Variants in SMG1 observed in about 807,000 individuals in gnomAD.
The protein encoded by SMG1 is SMG1 nonsense mediated mRNA decay associated PI3K related kinase, also known as serine/threonine-protein kinase SMG1.
SMG1 carries 22 observed loss-of-function variants against 419.9 expected under a neutral mutation model. That is an observed-to-expected ratio of 0.05 (90% CI 0.04 to 0.07). The LOEUF (loss-of-function observed/expected upper bound fraction) is 0.07, where lower values mean the gene tolerates loss of function less well. SMG1 is among the 10% of genes least tolerant of loss of function. The pLI, the probability that SMG1 is intolerant of heterozygous loss-of-function variation, is 1.00. For missense variants in SMG1, 3,185 were observed against 4,342.0 expected (o/e 0.73, Z 7.49); for synonymous variants, 1,538 against 1,553.5 (o/e 0.99, Z 0.23).
chr16:18,918,578 TCA>T (rs1230343357), intron 1 of SMG1, among the ~76,000 whole-genome samples: 1 of 152,136 alleles, frequency 6.6e-6, no homozygotes, highest in Non-Finnish European at 1.5e-5. Flanking sequence ...TGAGACAGTC[TCA>T]CTCTGTCACC....
In SMG1 at chr16:18,811,866, C is replaced by A; in HGVS notation, c.10803G>T (p.Ala3601=). The A allele has an allele frequency of 6.2e-7, 1 of 1,613,676 alleles. No individual in the cohort carries two copies. The highest frequency in any genetic ancestry group is 2.2e-5 in the East Asian group (1 of 44,882). ...CTGCATAGGAGTTTCTCTCTTGCACCGCTATGAAGCAACAAAAACATACGT... is the reference window on the plus strand; with the variant it reads ...CTGCATAGGAGTTTCTCTCTTGCACAGCTATGAAGCAACAAAAACATACGT... ...KAVRDPKTGK[A]VQERNSYAVS... Residue 3601 remains alanine (A), a splice_region_variant and synonymous_variant, in exon 62 of 63, where the codon GCG becomes GCT. Transcript: ENST00000446231.
At chr16:18,878,006 C>G (rs563073445) in intron 11 of SMG1, 1 of 152,260 alleles carries the variant, frequency 6.6e-6, no homozygotes, top group East Asian at 1.9e-4. Context: ...ATTATAGAAG[C>G]TGAGTGTTAA....
Position 18,868,039 on chromosome 16 carries a change from G to T in SMG1, c.3195+151C>A, listed in dbSNP as rs1050900838. On this transcript the variant is annotated intron_variant, in intron 22 of 62. Transcript: ENST00000446231. Reference sequence around the variant, plus strand: ...AACTTCTAACACTGTAACTCTGGCAGTTGTTGCTTTTACAAAATACAGGAT... The same window carrying T: ...AACTTCTAACACTGTAACTCTGGCATTTGTTGCTTTTACAAAATACAGGAT... 32 of 786,526 alleles carry T rather than the reference G, an allele frequency of 4.1e-5. No homozygotes were observed. The African/African-American group carries it at 4.7e-4, about 11-fold the overall frequency. The allele number at this position is 786,526 out of a possible 1,614,324, so 48.7% of individuals were successfully genotyped here.
chr16:18,880,091 C>T (rs2036316675), intron 10 of SMG1, among the ~76,000 whole-genome samples: 2 of 152,202 alleles, frequency 1.3e-5, no homozygotes, highest in Admixed American at 1.3e-4. Context: ...CCCACACATA[C>T]TACAAGCTAG....
intron 1 of SMG1, among the ~76,000 whole-genome samples, chr16:18,919,657 T>TATACAC (rs1273813622): frequency 5.6e-5 from 7 of 125,746 alleles, no homozygotes; most frequent in South Asian, 2.7e-4. Context: ...TGTGTATATA[T>TATACAC]ACACACACAC....
intron 1 of SMG1, among the ~76,000 whole-genome samples, chr16:18,910,730 G>A (rs763933864): frequency 1.3e-5 from 2 of 152,042 alleles, no homozygotes; most frequent in Non-Finnish European, 2.9e-5. Flanking sequence ...CTTAGAAGAT[G>A]CGTGTGGTTC....
intron 27 of SMG1, 68 bp from the exon 28 acceptor site, chr16:18,859,249 T>C: frequency 8.0e-7 from 1 of 1,243,568 alleles, no homozygotes; most frequent in Admixed American, 2.0e-5. Context: ...AATAAAGCAA[T>C]TGATAAGATG....
At chr16:18,809,864 A>C (rs2031207221) in intron 62 of SMG1, among the ~76,000 whole-genome samples, 1 of 152,178 alleles carries the variant, frequency 6.6e-6, no homozygotes, top group Non-Finnish European at 1.5e-5. Context: ...TAAGACAGTT[A>C]TAAAGATATG....
At chr16:18,869,421 A>G in intron 19 of SMG1, 118 bp from the exon 20 acceptor site, 1 of 822,266 alleles carries the variant, frequency 1.2e-6, no homozygotes, top group East Asian at 2.7e-5. Flanking sequence ...AAAAAAGGCA[A>G]AACCTATGAA....
chr16:18,815,697 G>A (rs74752226), intron 58 of SMG1, 46 bp from the exon 59 acceptor site: 3 of 1,518,386 alleles, frequency 2.0e-6, no homozygotes, highest in Non-Finnish European at 2.7e-6. Flanking sequence ...TTTAGTATCA[G>A]TAATTACTCT....
chr16:18,846,104 G>A (rs1596509183), intron 38 of SMG1, among the ~76,000 whole-genome samples: 3 of 152,160 alleles, frequency 2.0e-5, no homozygotes, highest in Admixed American at 2.0e-4. Flanking sequence ...ATGAGTCACC[G>A]TGTCCAGCCA....
chr16:18,818,424 T>C (rs2032216030), intron 56 of SMG1, among the ~76,000 whole-genome samples: 2 of 151,644 alleles, frequency 1.3e-5, no homozygotes, highest in East Asian at 3.9e-4. Context: ...GTAGAGACAG[T>C]GTCTTGCTAT....
At chr16:18,865,662 ATT>A (rs578185182) in intron 23 of SMG1, among the ~76,000 whole-genome samples, 30 of 143,062 alleles carry the variant, frequency 2.1e-4, no homozygotes, top group Middle Eastern at 3.5e-3. Context: ...TAACATGGCA[ATT>A]TTTTTTTTTT....
At chr16:18,835,795 A>G in intron 48 of SMG1, 138 bp downstream of exon 48, 1 of 782,744 alleles carries the variant, frequency 1.3e-6, no homozygotes, top group Non-Finnish European at 2.0e-6. Context: ...GCTACTCTGG[A>G]GGCTGAGGCA....
chr16:18,855,006 A>AC, intron 29 of SMG1, 102 bp from the exon 30 acceptor site: 1 of 874,056 alleles, frequency 1.1e-6, no homozygotes, highest in Non-Finnish European at 1.6e-6. Context: ...CTTCTGCACC[A>AC]CCTCCTGAAA....
intron 10 of SMG1, among the ~76,000 whole-genome samples, chr16:18,880,009 G>A (rs549904684): frequency 6.6e-6 from 1 of 152,136 alleles, no homozygotes; most frequent in Non-Finnish European, 1.5e-5. Context: ...ACTAAATGGC[G>A]GAAGCTCAGA....
chr16:18,853,185 G>A (rs1314225196), intron 31 of SMG1, among the ~76,000 whole-genome samples: 1 of 152,136 alleles, frequency 6.6e-6, no homozygotes, highest in African/African-American at 2.4e-5. Flanking sequence ...TATTTGTAAG[G>A]TATCTTTGTG....
intron 36 of SMG1, 53 bp downstream of exon 36, chr16:18,849,164 A>G: frequency 7.6e-7 from 1 of 1,322,804 alleles, no homozygotes; most frequent in Non-Finnish European, 1.0e-6. Context: ...CCTCACTAAA[A>G]TTATTGGCAC....
chr16:18,817,119 G>GT (rs2032076653), intron 57 of SMG1, among the ~76,000 whole-genome samples, 172 bp downstream of exon 57: 1 of 3,498 alleles, frequency 2.9e-4, no homozygotes, highest in Non-Finnish European at 0.012. Context: ...GTTTCGGGGC[G>GT]GGGGGGGGGG....
Sources: allele counts gnomAD v4.1 joint callset (sites outside exome capture counted in the v4.1 genomes callset), GRCh38; gene constraint gnomAD v4.1.1; transcripts MANE v1.5; gene names NCBI Gene and HGNC (gene_info 2026-07-23, HGNC 2026-07-21).